Variants in SHC3 observed in about 807,000 individuals in gnomAD.
SHC3 encodes SHC adaptor protein 3, also known as SHC-transforming protein 3.
Under a neutral mutation model 60.4 loss-of-function variants are expected in SHC3, and 15 were observed. The ratio of observed to expected loss-of-function variants is 0.25; its 90% CI spans 0.17 to 0.38. The LOEUF is 0.38. Ranked by LOEUF, SHC3 falls within the 10% of genes least tolerant of loss-of-function variation. The pLI is 1.00. For missense variants in SHC3, 677 were observed against 786.1 expected, an observed-to-expected ratio of 0.86 and a Z score of 1.66; for synonymous variants, 294 against 325.9, an observed-to-expected ratio of 0.90 and a Z score of 1.05.
chr9:89,144,304 A>G (rs1232266269), intron 1 of SHC3, among the ~76,000 whole-genome samples: 1 of 152,210 alleles, frequency 6.6e-6, no homozygotes, highest in East Asian at 1.9e-4. Context: ...TGTGTTACTT[A>G]TGCAATTAGA....
intron 5 of SHC3, among the ~76,000 whole-genome samples, chr9:89,070,682 C>A (rs556495922): frequency 4.1e-4 from 62 of 152,258 alleles, no homozygotes; most frequent in Middle Eastern, 3.4e-3. Context: ...GAGTCTTCTT[C>A]TTACTCTCTC....
chr9:89,025,828 G>A (rs1013873734), intron 11 of SHC3, among the ~76,000 whole-genome samples: 4 of 152,180 alleles, frequency 2.6e-5, no homozygotes, highest in African/African-American at 9.7e-5. Context: ...TTTTGAAATG[G>A]CCCTGCAAAG....
rs1318055746 is a variant in SHC3 at position 89,011,212 on chromosome 9, TTC to T, written c.*2233_*2234del. 5 of 152,188 alleles carry T rather than the reference TTC, an allele frequency of 3.3e-5. No homozygotes were observed. Among genetic ancestry groups the T allele is most frequent in the Non-Finnish European group, 5.9e-5 (4 of 68,012 alleles). The allele number at this position is 152,188 out of a possible 1,614,324, so 9.4% of individuals were successfully genotyped here. On this transcript the variant is annotated 3_prime_UTR_variant, in exon 12 of 12. Transcript: ENST00000375835. ...CAATACTTTAAATTTTCTAAATTGA[TTC>T]TCATGCAAAAAATATATATATTTTC...
At chr9:89,033,017 GC>G (rs990756339) in intron 11 of SHC3, among the ~76,000 whole-genome samples, 15 of 133,968 alleles carry the variant, frequency 1.1e-4, no homozygotes, top group Admixed American at 3.0e-4. Context: ...CAACAAAAAA[GC>G]CCCCCCACCG....
chr9:89,046,491 C>T (rs1212850643), intron 8 of SHC3, among the ~76,000 whole-genome samples: 1 of 152,142 alleles, frequency 6.6e-6, no homozygotes, highest in Non-Finnish European at 1.5e-5. Flanking sequence ...TCTATATTCA[C>T]TCCTTTTCAG....
intron 1 of SHC3, among the ~76,000 whole-genome samples, chr9:89,163,875 C>G (rs1449807267): frequency 6.6e-6 from 1 of 151,458 alleles, no homozygotes; most frequent in African/African-American, 2.4e-5. Context: ...AGGGCTCGCT[C>G]ACTGGTTGCA....
At chr9:89,017,847 A>G (rs1826122237) in intron 11 of SHC3, among the ~76,000 whole-genome samples, 1 of 152,252 alleles carries the variant, frequency 6.6e-6, no homozygotes, top group African/African-American at 2.4e-5. Context: ...ATGAACAGAC[A>G]CTTTTCAAAA....
chr9:89,081,842 G>A (rs1465981442), intron 2 of SHC3, among the ~76,000 whole-genome samples: 1 of 152,084 alleles, frequency 6.6e-6, no homozygotes, highest in Non-Finnish European at 1.5e-5. Context: ...GGCCTGCCTA[G>A]GGAACCTCCA....
At chr9:89,109,768 G>T (rs1825919415) in intron 2 of SHC3, 1 of 985,328 alleles carries the variant, frequency 1.0e-6, no homozygotes, top group Non-Finnish European at 1.2e-6. Context: ...TCTCACCAGG[G>T]CTTGTTTGCT....
At chr9:89,103,197 C>T (rs891526442) in intron 2 of SHC3, among the ~76,000 whole-genome samples, 3 of 152,068 alleles carry the variant, frequency 2.0e-5, no homozygotes, top group African/African-American at 4.8e-5. Flanking sequence ...GGCACGTTAA[C>T]CTATTCACAA....
chr9:89,125,547 A>G (rs1291781067), intron 1 of SHC3, among the ~76,000 whole-genome samples: 2 of 152,134 alleles, frequency 1.3e-5, no homozygotes, highest in Non-Finnish European at 2.9e-5. Context: ...TGAGACCTAA[A>G]GGGCTGCGTT....
chr9:89,138,157 C>T (rs1387389841), intron 1 of SHC3, among the ~76,000 whole-genome samples: 1 of 152,042 alleles, frequency 6.6e-6, no homozygotes, highest in Non-Finnish European at 1.5e-5. Context: ...CAGATCTGTC[C>T]TACTGGTGGA....
At chr9:89,087,100 T>C (rs1266284239) in intron 2 of SHC3, among the ~76,000 whole-genome samples, 1 of 152,170 alleles carries the variant, frequency 6.6e-6, no homozygotes, top group Non-Finnish European at 1.5e-5. Flanking sequence ...ACTCCAGATG[T>C]CCTTGGCTAT....
chr9:89,040,264 G>GCACCATCATCACCATCACCAT (rs1824666552), intron 10 of SHC3, among the ~76,000 whole-genome samples: 2 of 3,842 alleles, frequency 5.2e-4, no homozygotes, highest in South Asian at 8.6e-3. Context: ...ATTACCATCA[G>GCACCATCATCACCATCACCAT]CAGCAGCACC....
At chr9:89,050,813 C>T (rs770151036) in intron 7 of SHC3, among the ~76,000 whole-genome samples, 2 of 152,120 alleles carry the variant, frequency 1.3e-5, no homozygotes, top group African/African-American at 2.4e-5. Flanking sequence ...TTTCCTCAGT[C>T]TCCTACCTAC....
At chr9:89,133,768 G>C (rs1479484574) in intron 1 of SHC3, among the ~76,000 whole-genome samples, 4 of 152,074 alleles carry the variant, frequency 2.6e-5, no homozygotes, top group African/African-American at 9.7e-5. Context: ...TCATGGGGTG[G>C]GGGGAGCTGG....
At chr9:89,116,947 A>T (rs986205598) in intron 1 of SHC3, among the ~76,000 whole-genome samples, 1 of 152,208 alleles carries the variant, frequency 6.6e-6, no homozygotes, top group African/African-American at 2.4e-5. Flanking sequence ...TGTAAATATG[A>T]CCATAATCAG....
chr9:89,043,674 C>T (rs1242595078), intron 9 of SHC3, among the ~76,000 whole-genome samples: 1 of 150,522 alleles, frequency 6.6e-6, no homozygotes. Flanking sequence ...TTTTTTGAGG[C>T]AGGGTCTCAT....
At chr9:89,049,009 C>G (rs1368283103) in intron 7 of SHC3, among the ~76,000 whole-genome samples, 2 of 152,158 alleles carry the variant, frequency 1.3e-5, no homozygotes, top group African/African-American at 2.4e-5. Flanking sequence ...CGCCTGTAAT[C>G]CCAGCACTTT....
Sources: allele counts gnomAD v4.1 joint callset (sites outside exome capture counted in the v4.1 genomes callset), GRCh38; gene constraint gnomAD v4.1.1; transcripts MANE v1.5; gene names NCBI Gene and HGNC (gene_info 2026-07-23, HGNC 2026-07-21).